VPS41: variants seen among roughly 807,000 people sequenced by gnomAD.
VPS41 encodes vacuolar protein sorting-associated protein 41 homolog.
A neutral mutation model predicts 130.9 loss-of-function variants in VPS41; 85 were observed. The ratio of observed to expected loss-of-function variants is 0.65; its 90% CI spans 0.55 to 0.78. The LOEUF is 0.78. Among genes scored for constraint, VPS41 ranks in the 30% least tolerant of loss-of-function variants. The probability of loss-of-function intolerance (pLI) is 0.00; values close to 1 mark genes in which losing one functional copy is unlikely to be tolerated. For missense variants in VPS41, 874 were observed against 1,018.7 expected, an observed-to-expected ratio of 0.86 and a Z score of 1.93; for synonymous variants, 335 against 332.9, an observed-to-expected ratio of 1.01 and a Z score of -0.07.
intron 9 of VPS41, among the ~76,000 whole-genome samples, chr7:38,792,805 T>C (rs538641092): frequency 5.9e-5 from 9 of 152,070 alleles, no homozygotes; most frequent in African/African-American, 1.9e-4. Context: ...CATCACCTGC[T>C]CCTCCACCAC....
rs1249152261 is a variant in VPS41 at position 38,724,296 on chromosome 7, T to G, written c.*1950A>C. ...GAAATGAGCTTGCTCAAATCATAAG[T>G]GAGGATTAATGTAAATGTAATAAAC... is the stretch of plus-strand genomic sequence containing the variant. On this transcript the variant is annotated 3_prime_UTR_variant, in exon 29 of 29. Transcript: ENST00000310301. 6.6e-6 allele frequency: 1 copy of G among 152,188 alleles called. No individual in the cohort carries two copies. The highest frequency in any genetic ancestry group is 2.4e-5 in the African/African-American group (1 of 41,438). 9.4% of individuals were successfully genotyped at this position (152,188 alleles called of 1,614,324 possible).
chr7:38,847,424 G>A (rs3801129), intron 4 of VPS41, among the ~76,000 whole-genome samples: 44,766 of 151,992 alleles, frequency 0.29, 6,883 homozygotes, highest in South Asian at 0.48. Flanking sequence ...CCTAGAGAGT[G>A]TAATGAATTT....
chr7:38,879,820 C>A (rs1786565588), intron 2 of VPS41, among the ~76,000 whole-genome samples: 1 of 151,646 alleles, frequency 6.6e-6, no homozygotes, highest in South Asian at 2.1e-4. Context: ...GGGTTGGAGA[C>A]CCCTGCTGAA....
At chr7:38,776,961 G>A (rs1347535384) in intron 10 of VPS41, among the ~76,000 whole-genome samples, 185 bp from the exon 11 acceptor site, 1 of 152,140 alleles carries the variant, frequency 6.6e-6, no homozygotes, top group Non-Finnish European at 1.5e-5. Flanking sequence ...TCCTGGAAAC[G>A]AATATGTGGG....
At chr7:38,746,659 G>T (rs1277836907) in intron 22 of VPS41, among the ~76,000 whole-genome samples, 1 of 152,104 alleles carries the variant, frequency 6.6e-6, no homozygotes, top group Non-Finnish European at 1.5e-5. Context: ...ATGAATGAGT[G>T]CACCTGGGAA....
chr7:38,858,241 T>C (rs956938579), intron 4 of VPS41, among the ~76,000 whole-genome samples: 1 of 152,186 alleles, frequency 6.6e-6, no homozygotes, highest in African/African-American at 2.4e-5. Flanking sequence ...CAAAGAAATA[T>C]ATATTAGGGC....
chr7:38,805,901 A>G (rs1784831257), intron 7 of VPS41, among the ~76,000 whole-genome samples: 1 of 152,216 alleles, frequency 6.6e-6, no homozygotes, highest in African/African-American at 2.4e-5. Flanking sequence ...GCTGTTCAGT[A>G]AGCAGCAATA....
chr7:38,811,452 G>A (rs1031420632), intron 7 of VPS41, among the ~76,000 whole-genome samples: 2 of 151,964 alleles, frequency 1.3e-5, no homozygotes, highest in Non-Finnish European at 2.9e-5. Flanking sequence ...ATCAAAGTTT[G>A]TATGTTACAA....
intron 2 of VPS41, among the ~76,000 whole-genome samples, chr7:38,887,112 A>C (rs1786749955): frequency 6.6e-6 from 1 of 151,970 alleles, no homozygotes; most frequent in African/African-American, 2.4e-5. Flanking sequence ...AAACCAAAAC[A>C]CCTCTTCTCC....
chr7:38,738,262 G>T (rs1454146188), intron 25 of VPS41, among the ~76,000 whole-genome samples: 2 of 152,168 alleles, frequency 1.3e-5, no homozygotes, highest in Admixed American at 6.5e-5. Flanking sequence ...GCTGTAAAAG[G>T]TAATGTAGTC....
At chr7:38,860,013 T>C (rs1229427578) in intron 4 of VPS41, among the ~76,000 whole-genome samples, 1 of 152,148 alleles carries the variant, frequency 6.6e-6, no homozygotes, top group Non-Finnish European at 1.5e-5. Flanking sequence ...ATATACATAA[T>C]AAAGTATCAC....
intron 23 of VPS41, among the ~76,000 whole-genome samples, chr7:38,744,837 G>C (rs775633477): frequency 1.3e-5 from 2 of 152,182 alleles, no homozygotes; most frequent in Non-Finnish European, 2.9e-5. Flanking sequence ...TTTTTCAACA[G>C]AGGCAAAGAG....
At chr7:38,855,539 G>A (rs1426148496) in intron 4 of VPS41, among the ~76,000 whole-genome samples, 1 of 152,156 alleles carries the variant, frequency 6.6e-6, no homozygotes, top group Admixed American at 6.5e-5. Flanking sequence ...ACTCACAGAT[G>A]AGGAACCAGT....
intron 17 of VPS41, 146 bp downstream of exon 17, chr7:38,763,309 T>C: frequency 2.1e-6 from 1 of 476,416 alleles, no homozygotes; most frequent in Non-Finnish European, 3.7e-6. Flanking sequence ...TGAGTTATAC[T>C]GGAGTTTCTC....
chr7:38,796,915 T>C, intron 7 of VPS41, 51 bp from the exon 8 acceptor site: 1 of 1,609,362 alleles, frequency 6.2e-7, no homozygotes, highest in Non-Finnish European at 8.5e-7. Flanking sequence ...AAATAATGTA[T>C]CAGGTTCTTT....
At chr7:38,781,189 T>C (rs1402117250) in intron 10 of VPS41, among the ~76,000 whole-genome samples, 1 of 152,192 alleles carries the variant, frequency 6.6e-6, no homozygotes, top group Non-Finnish European at 1.5e-5. Flanking sequence ...ATACATAACA[T>C]ACCTAAAATA....
At chr7:38,812,801 A>T (rs975968605) in intron 7 of VPS41, among the ~76,000 whole-genome samples, 2 of 152,224 alleles carry the variant, frequency 1.3e-5, no homozygotes, top group African/African-American at 4.8e-5. Context: ...CAACATCATC[A>T]GTCATTAGAA....
At chr7:38,851,351 T>C (rs907676787) in intron 4 of VPS41, among the ~76,000 whole-genome samples, 1 of 152,230 alleles carries the variant, frequency 6.6e-6, no homozygotes, top group African/African-American at 2.4e-5. Flanking sequence ...AGGCAACCAC[T>C]GATCTGCTTT....
intron 2 of VPS41, among the ~76,000 whole-genome samples, chr7:38,880,347 TACC>T (rs1786578302): frequency 6.6e-6 from 1 of 152,202 alleles, no homozygotes. Context: ...CTTTTTATTT[TACC>T]ACATCATTTA....
Sources: gnomAD v4.1 joint callset for allele counts (sites outside exome capture counted in the v4.1 genomes callset) on GRCh38, gnomAD v4.1.1 for gene constraint, MANE v1.5 for transcripts, NCBI Gene and HGNC (gene_info 2026-07-23, HGNC 2026-07-21) for gene names.